DNAH5: variants seen among roughly 807,000 people sequenced by gnomAD.
DNAH5 encodes the protein dynein axonemal heavy chain 5.
Under a neutral mutation model 518.2 loss-of-function variants are expected in DNAH5, and 372 were observed. The observed-to-expected ratio is 0.72, with a 90% CI of 0.66 to 0.78. The LOEUF (loss-of-function observed/expected upper bound fraction) is 0.78. DNAH5 is among the 30% of genes least tolerant of loss of function. DNAH5 has a pLI of 0.00. For missense variants in DNAH5, 5,523 were observed against 5,687.0 expected, an observed-to-expected ratio of 0.97 and a Z score of 0.93; for synonymous variants, 2,039 against 2,025.9, an observed-to-expected ratio of 1.01 and a Z score of -0.17.
rs779460160 is a variant in DNAH5, at chr5:13,922,122, C to A, written c.645G>T (p.Glu215Asp). ...GFVNVLSGAQ[E>D]SLKEKVNLRK... is the part of the protein sequence containing the mutation. ...TCGTCCTCACCTTCTCCTTCAGACT[C>A]TCCTGTGCACCCGACAGGACGTTCA... The change falls in exon 5 of 79, where the codon GAG (glutamate) becomes GAT (aspartate). Residue 215 changes from glutamate to aspartate, a missense_variant. Around this residue, in one of 3 missense-constraint regions of DNAH5, gnomAD observed 5,121 missense variants for 5,223.3 expected, o/e 0.98. Transcript: ENST00000265104. The A allele has an allele frequency of 4.3e-6, 7 of 1,613,980 alleles. No homozygotes were observed. Among genetic ancestry groups the A allele is most frequent in the Non-Finnish European group, 5.1e-6 (6 of 1,179,994 alleles).
chr5:13,948,231 G>A (rs573000170), upstream of DNAH5, among the ~76,000 whole-genome samples: 1 of 152,330 alleles, frequency 6.6e-6, no homozygotes, highest in South Asian at 2.1e-4. Context: ...TCCCAGAAGA[G>A]TCAGACCCTA....
chr5:13,990,422 G>A (rs188776219), intron 1 of DNAH5, among the ~76,000 whole-genome samples: 17 of 151,998 alleles, frequency 1.1e-4, no homozygotes, highest in Non-Finnish European at 1.2e-4. Context: ...GCGTGGTGGC[G>A]GGCGCCTATA....
chr5:13,968,741 T>A (rs1265753514), intron 1 of DNAH5, among the ~76,000 whole-genome samples: 1 of 152,214 alleles, frequency 6.6e-6, no homozygotes, highest in Non-Finnish European at 1.5e-5. Context: ...GATTTTTGCA[T>A]CTATGTTAAT....
In DNAH5 at chr5:13,735,270, G is replaced by A. The variant is rs2126607471; in HGVS notation, c.11622C>T (p.His3874=). The A allele has an allele frequency of 1.2e-6, 2 of 1,614,120 alleles. No homozygotes were observed. The highest frequency in any genetic ancestry group is 2.2e-5 in the South Asian group (2 of 91,086). The change falls in exon 68 of 79, where the codon CAC becomes CAT. Residue 3874 remains histidine, a synonymous_variant. Coordinates refer to ENST00000265104, the MANE Select transcript of DNAH5 (RefSeq NM_001369.3). ...CATACTTATAAACCTCGTAGGTCAT[G>A]TGCTCGATGATATTAGCAATCCTCT... ...TSKRIANIIE[H]MTYEVYKYAA...
chr5:13,730,612 T>C (rs895197872), intron 68 of DNAH5, among the ~76,000 whole-genome samples: 2 of 151,854 alleles, frequency 1.3e-5, no homozygotes, highest in Non-Finnish European at 2.9e-5. Flanking sequence ...TTTTTCATAT[T>C]TTTAGTGAAG....
chr5:13,805,677 G>A (rs1248803241), intron 47 of DNAH5, among the ~76,000 whole-genome samples: 1 of 152,164 alleles, frequency 6.6e-6, no homozygotes, highest in Middle Eastern at 3.2e-3. Flanking sequence ...TTGCATTTGA[G>A]ACCCTCCCAA....
chr5:13,955,840 C>T (rs1214796171), intron 1 of DNAH5, among the ~76,000 whole-genome samples: 2 of 152,108 alleles, frequency 1.3e-5, no homozygotes, highest in Non-Finnish European at 2.9e-5. Flanking sequence ...TTCTATTTAA[C>T]TCTGGTAGAG....
At chr5:13,870,123 T>C (rs1769866554) in intron 24 of DNAH5, among the ~76,000 whole-genome samples, 1 of 152,136 alleles carries the variant, frequency 6.6e-6, no homozygotes, top group Admixed American at 6.6e-5. Flanking sequence ...CTGATCAAAT[T>C]ACATAATTTC....
At position 13,871,016 on chromosome 5, in the gene DNAH5, A is replaced by T; in HGVS notation, c.3599-14T>A. 1 of 1,599,264 alleles carries T rather than the reference A, an allele frequency of 6.3e-7. No individual in the cohort carries two copies. The highest frequency in any genetic ancestry group is 1.7e-4 in the Middle Eastern group (1 of 6,012). ...ACTTCAAGTCAGCTGTAAAAACCCA[A>T]ATGTCTACAGTTCAGTTTTAAAAAC... On this transcript the variant is annotated splice_polypyrimidine_tract_variant and intron_variant, in intron 23 of 78. Transcript: ENST00000265104.
In DNAH5 at chr5:13,967,443, T is replaced by C. The variant is rs567496042; in HGVS notation, c.13-36199A>G. Among the ~76,000 whole-genome samples, 17 of 152,282 alleles carry C rather than the reference T, an allele frequency of 1.1e-4. 2 individuals are homozygous for C. Among genetic ancestry groups the C allele is most frequent in the African/African-American group, 4.1e-4 (17 of 41,568 alleles). ...ATTTGTTGAATAGGGTGCTCTTCCC[T>C]GCTTTATGTATTTATTTGCTTTGTA... On this transcript the variant is annotated intron_variant, in intron 1 of 78. Transcript: ENST00000681290.
intron 52 of DNAH5, 41 bp downstream of exon 52, chr5:13,786,138 C>A: frequency 6.2e-7 from 1 of 1,606,360 alleles, no homozygotes; most frequent in South Asian, 1.1e-5. Flanking sequence ...AGCCAAATGT[C>A]TGTCACCTCC....
At chr5:13,848,389 G>T (rs1473731497) in intron 31 of DNAH5, among the ~76,000 whole-genome samples, 1 of 152,182 alleles carries the variant, frequency 6.6e-6, no homozygotes, top group Non-Finnish European at 1.5e-5. Context: ...TGCCACCAGG[G>T]ACCAATTTCA....
chr5:13,905,047 G>A (rs1775117301), intron 12 of DNAH5, among the ~76,000 whole-genome samples: 1 of 152,190 alleles, frequency 6.6e-6, no homozygotes, highest in Admixed American at 6.5e-5. Flanking sequence ...TGATTGTAAG[G>A]CAAAGAGCCT....
Position 13,753,531 on chromosome 5 carries a change from G to T in DNAH5, c.10574C>A (p.Thr3525Lys), listed in dbSNP as rs1447289286. 1 of 1,613,630 alleles carries T rather than the reference G, an allele frequency of 6.2e-7. No individual in the cohort carries two copies. Among genetic ancestry groups the T allele is most frequent in the East Asian group, 2.2e-5 (1 of 44,862 alleles). ...TGGACCAGAATAAGATAGAAAAGCT[G>T]TAGCCAACAGTACATCCCCTAAAAT... is the stretch of plus-strand genomic sequence containing the variant. Reference protein sequence around the residue: ...KRLVGDVLLATAFLSYSGPFN... With the variant: ...KRLVGDVLLAKAFLSYSGPFN... The change falls in exon 63 of 79, where the codon ACA becomes AAA. Residue 3525 changes from threonine (T) to lysine (K), a missense_variant. Thr to Lys is a moderately conservative substitution (Grantham distance 78). Around this residue, in one of 3 missense-constraint regions of DNAH5, gnomAD observed 5,121 missense variants for 5,223.3 expected, o/e 0.98. Coordinates refer to ENST00000265104, the MANE Select transcript of DNAH5 (RefSeq NM_001369.3).
rs1388523638 is a variant in DNAH5 at position 13,769,153 on chromosome 5, C to G, written c.9721-17G>C. 6.2e-7 allele frequency: 1 copy of G among 1,613,186 alleles called. No individual in the cohort carries two copies. Among genetic ancestry groups the G allele is most frequent in the Admixed American group, 1.7e-5 (1 of 59,996 alleles). ...TTTTAAGACCTAATTCAATATAAAGCAAGCAATACTTCACCAAACAGTATT... is the reference window on the plus strand; with the variant it reads ...TTTTAAGACCTAATTCAATATAAAGGAAGCAATACTTCACCAAACAGTATT... On this transcript the variant is annotated splice_polypyrimidine_tract_variant and intron_variant, in intron 57 of 78. Coordinates refer to ENST00000265104, the MANE Select transcript of DNAH5 (RefSeq NM_001369.3).
intron 1 of DNAH5, among the ~76,000 whole-genome samples, chr5:13,960,167 C>A (rs975479805): frequency 1.3e-5 from 2 of 150,688 alleles, no homozygotes; most frequent in Non-Finnish European, 2.9e-5. Context: ...TGCAAAAGTT[C>A]TTTCAATCCC....
chr5:13,819,455 C>G (rs902683601), intron 41 of DNAH5, among the ~76,000 whole-genome samples: 3 of 152,158 alleles, frequency 2.0e-5, no homozygotes, highest in African/African-American at 7.2e-5. Context: ...TCCTCAGCAA[C>G]CACCAACAAT....
At chr5:13,950,894 A>G in intron 1 of DNAH5, among the ~76,000 whole-genome samples, 1 of 152,192 alleles carries the variant, frequency 6.6e-6, no homozygotes, top group African/African-American at 2.4e-5. Context: ...GTTTGTAGTT[A>G]TCATCTAAAG....
chr5:13,733,487 C>A (rs140992745), intron 68 of DNAH5, among the ~76,000 whole-genome samples: 164 of 151,690 alleles, frequency 1.1e-3, no homozygotes, highest in South Asian at 2.3e-3. Context: ...TAAGGGTTCA[C>A]CAGAGAAGGC....
Sources: allele counts gnomAD v4.1 joint callset (sites outside exome capture counted in the v4.1 genomes callset), GRCh38; gene constraint gnomAD v4.1.1; regional missense constraint gnomAD v4.1.1; transcripts MANE v1.5; gene names NCBI Gene and HGNC (gene_info 2026-07-23, HGNC 2026-07-21).